The following RGL1 variants were observed in gnomAD, a reference collection of about 807,000 sequenced individuals.
RGL1 encodes the protein ral guanine nucleotide dissociation stimulator like 1.
Under a neutral mutation model 95.2 loss-of-function variants are expected in RGL1, and 24 were observed. That is an observed-to-expected ratio of 0.25 (90% CI 0.18 to 0.35). The LOEUF (loss-of-function observed/expected upper bound fraction) is 0.35. Ranked by LOEUF, RGL1 falls within the 10% of genes least tolerant of loss-of-function variation. The pLI is 1.00. For missense variants in RGL1, 715 were observed against 936.3 expected (o/e 0.76, Z 3.08); for synonymous variants, 329 against 344.9 (o/e 0.95, Z 0.51).
chr1:183,711,241 G>C (rs1275157199), intron 1 of RGL1, among the ~76,000 whole-genome samples: 2 of 152,176 alleles, frequency 1.3e-5, no homozygotes, highest in Non-Finnish European at 2.9e-5. Flanking sequence ...TTTGCACACT[G>C]GTTCCAACCA....
intron 2 of RGL1, among the ~76,000 whole-genome samples, chr1:183,822,135 A>G (rs996646683): frequency 6.6e-6 from 1 of 152,076 alleles, no homozygotes; most frequent in African/African-American, 2.4e-5. Context: ...ATGGGGTTAC[A>G]TGGGCCTTGT....
At chr1:183,911,796 C>T (rs1304007366) in intron 14 of RGL1, among the ~76,000 whole-genome samples, 1 of 152,128 alleles carries the variant, frequency 6.6e-6, no homozygotes, top group African/African-American at 2.4e-5. Flanking sequence ...TTGATCCTGC[C>T]AAGGTGGTCC....
intron 2 of RGL1, among the ~76,000 whole-genome samples, chr1:183,824,757 CT>C (rs1271344439): frequency 1.3e-5 from 2 of 152,184 alleles, no homozygotes; most frequent in Non-Finnish European, 2.9e-5. Flanking sequence ...CCACCTTGAT[CT>C]CTTTAGGTGC....
At chr1:183,877,982 A>G (rs1158889821) in intron 4 of RGL1, among the ~76,000 whole-genome samples, 1 of 152,212 alleles carries the variant, frequency 6.6e-6, no homozygotes, top group East Asian at 1.9e-4. Flanking sequence ...AAGGATGCAC[A>G]TATTTTGTAG....
At chr1:183,855,680 T>G (rs1176509200) in intron 3 of RGL1, among the ~76,000 whole-genome samples, 1 of 152,178 alleles carries the variant, frequency 6.6e-6, no homozygotes, top group East Asian at 1.9e-4. Flanking sequence ...TTCATGTGAC[T>G]TATGGTCCCA....
intron 2 of RGL1, among the ~76,000 whole-genome samples, chr1:183,825,118 TG>T (rs1345944292): frequency 6.6e-6 from 1 of 152,118 alleles, no homozygotes; most frequent in Middle Eastern, 3.2e-3. Flanking sequence ...AAGAGAACAG[TG>T]GTATCATTAG....
intron 1 of RGL1, among the ~76,000 whole-genome samples, chr1:183,645,046 T>C (rs1418967461): frequency 2.0e-5 from 3 of 152,216 alleles, no homozygotes; most frequent in Non-Finnish European, 4.4e-5. Context: ...TAAGCAGATG[T>C]CAGTCACCAC....
chr1:183,725,230 A>G (rs1656246859), intron 1 of RGL1, among the ~76,000 whole-genome samples: 1 of 152,192 alleles, frequency 6.6e-6, no homozygotes, highest in African/African-American at 2.4e-5. Context: ...GTTCCTTTGA[A>G]TACCTGGTAA....
chr1:183,777,766 A>G (rs1233354727), intron 2 of RGL1, among the ~76,000 whole-genome samples: 1 of 152,248 alleles, frequency 6.6e-6, no homozygotes. Flanking sequence ...AACTCTAATT[A>G]CATGACAAAG....
chr1:183,669,231 T>C (rs923624879), intron 1 of RGL1, among the ~76,000 whole-genome samples: 1 of 152,164 alleles, frequency 6.6e-6, no homozygotes, highest in African/African-American at 2.4e-5. Context: ...GACATTTTTA[T>C]TGTTATGTCC....
chr1:183,742,931 C>A (rs1263171161), intron 2 of RGL1, among the ~76,000 whole-genome samples: 1 of 152,172 alleles, frequency 6.6e-6, no homozygotes, highest in Non-Finnish European at 1.5e-5. Flanking sequence ...TTAACCAGAT[C>A]ATGGAAAGGC....
At chr1:183,732,221 G>A (rs1370412367) in intron 1 of RGL1, among the ~76,000 whole-genome samples, 1 of 152,142 alleles carries the variant, frequency 6.6e-6, no homozygotes, top group Non-Finnish European at 1.5e-5. Flanking sequence ...TACAATCTTA[G>A]TTCAAGTTTA....
At chr1:183,804,093 T>A (rs1056318715), upstream of RGL1, among the ~76,000 whole-genome samples, 1 of 152,178 alleles carries the variant, frequency 6.6e-6, no homozygotes, top group African/African-American at 2.4e-5. Context: ...TCTGCTCTCC[T>A]GGGAACATCA....
At chr1:183,782,441 G>A (rs1361689593) in intron 2 of RGL1, among the ~76,000 whole-genome samples, 5 of 152,196 alleles carry the variant, frequency 3.3e-5, no homozygotes, top group Non-Finnish European at 5.9e-5. Context: ...GCACTTTGAA[G>A]CGTGTTCAAT....
chr1:183,912,031 G>A, intron 14 of RGL1, 51 bp from the exon 15 acceptor site: 2 of 1,536,468 alleles, frequency 1.3e-6, no homozygotes, highest in South Asian at 1.2e-5. Context: ...GCCTAATCAT[G>A]GATTCCAGAT....
At chr1:183,678,585 C>CT (rs141715708) in intron 1 of RGL1, among the ~76,000 whole-genome samples, 12,158 of 148,874 alleles carry the variant, frequency 0.082, 900 homozygotes, top group African/African-American at 0.2. Flanking sequence ...TACTTTGTCT[C>CT]TTTTTTTTTG....
At chr1:183,910,964 A>G (rs928361166) in intron 14 of RGL1, among the ~76,000 whole-genome samples, 2 of 152,144 alleles carry the variant, frequency 1.3e-5, no homozygotes, top group Admixed American at 6.5e-5. Context: ...ACAGTTCTCA[A>G]ATTTGAAGTT....
rs1390269825 is a variant in RGL1 at position 183,904,961 on chromosome 1, G to C, written c.1462G>C (p.Glu488Gln). The change falls in exon 13 of 18, where the codon GAG (glutamate) becomes CAG (glutamine). Residue 488 changes from glutamate to glutamine, a missense_variant. This residue lies in a region of RGL1 where 330 missense variants were observed against 429.6 expected (regional missense o/e 0.77). Transcript: ENST00000360851. ...QWFQRQQLLTEEESYALSCEI... is the reference protein window; with the variant it reads ...QWFQRQQLLTQEESYALSCEI... ...GTTCCAGAGGCAGCAGCTCCTGACA[G>C]AGGAGGAGAGGTGGGATCACCTGTC... The C allele has an allele frequency of 6.2e-7, 1 of 1,612,464 alleles. No individual in the cohort carries two copies.
At chr1:183,641,594 T>G (rs760005236) in intron 1 of RGL1, among the ~76,000 whole-genome samples, 8 of 152,226 alleles carry the variant, frequency 5.3e-5, no homozygotes, top group Non-Finnish European at 1.2e-4. Context: ...AGTTTTTAAG[T>G]AAGATTGGTC....
Sources: allele counts gnomAD v4.1 joint callset (sites outside exome capture counted in the v4.1 genomes callset), GRCh38; gene constraint gnomAD v4.1.1; regional missense constraint gnomAD v4.1.1; transcripts MANE v1.5; gene names NCBI Gene and HGNC (gene_info 2026-07-23, HGNC 2026-07-21).